Variants in ENOPH1 observed in about 807,000 individuals in gnomAD.
ENOPH1 encodes the protein enolase-phosphatase 1.
Under a neutral mutation model 31.1 loss-of-function variants are expected in ENOPH1, and 14 were observed. That is an observed-to-expected ratio of 0.45 (90% CI 0.30 to 0.70). The LOEUF is 0.70. ENOPH1 is among the 30% of genes least tolerant of loss of function. The pLI, the probability that ENOPH1 is intolerant of heterozygous loss-of-function variation, is 0.09. For missense variants in ENOPH1, 243 were observed against 321.5 expected, an observed-to-expected ratio of 0.76 and a Z score of 1.87; for synonymous variants, 127 against 123.2, an observed-to-expected ratio of 1.03 and a Z score of -0.21.
chr4:82,439,196 A>G (rs113116164), intron 1 of ENOPH1, among the ~76,000 whole-genome samples: 46 of 152,316 alleles, frequency 3.0e-4, no homozygotes, highest in African/African-American at 1.1e-3. Flanking sequence ...CCTTCTAGGT[A>G]TGTGCATGAG....
chr4:82,456,215 CTTT>C (rs5859824), intron 4 of ENOPH1, among the ~76,000 whole-genome samples: 41 of 138,944 alleles, frequency 3.0e-4, no homozygotes, highest in Non-Finnish European at 3.9e-4. Context: ...CTTAAAATTA[CTTT>C]TTTTTTTTTT....
intron 1 of ENOPH1, among the ~76,000 whole-genome samples, chr4:82,445,192 G>T (rs1410650735): frequency 6.6e-6 from 1 of 152,042 alleles, no homozygotes; most frequent in Non-Finnish European, 1.5e-5. Context: ...TGTCACCACT[G>T]CATTCCAGCC....
At chr4:82,431,030 C>T (rs568345543) in intron 1 of ENOPH1, 117 bp downstream of exon 1, 8 of 877,304 alleles carry the variant, frequency 9.1e-6, no homozygotes, top group Admixed American at 6.3e-5. Flanking sequence ...GTGGCTGCCT[C>T]TTGTGTGGAA....
At chr4:82,441,477 CCGGGTGTGGTGG>C (rs1722038099) in intron 1 of ENOPH1, among the ~76,000 whole-genome samples, 1 of 151,924 alleles carries the variant, frequency 6.6e-6, no homozygotes, top group South Asian at 2.1e-4. Context: ...AAAAAATTGG[CCGGGTGTGGTGG>C]CAGGCGTGGT....
chr4:82,447,875 C>A, intron 1 of ENOPH1, 45 bp from the exon 2 acceptor site: 1 of 1,206,136 alleles, frequency 8.3e-7, no homozygotes, highest in Non-Finnish European at 1.2e-6. Context: ...TCTTTTACAA[C>A]TGATAAAAGC....
intron 1 of ENOPH1, among the ~76,000 whole-genome samples, chr4:82,446,639 T>C (rs755710909): frequency 1.3e-5 from 2 of 151,216 alleles, no homozygotes; most frequent in African/African-American, 2.4e-5. Context: ...AGGTTATTTA[T>C]TACTGAATTG....
intron 1 of ENOPH1, among the ~76,000 whole-genome samples, chr4:82,441,737 C>T (rs1722047578): frequency 1.3e-5 from 2 of 152,120 alleles, no homozygotes; most frequent in African/African-American, 2.4e-5. Flanking sequence ...CCCAGGAGTT[C>T]ACGACCCGCC....
intron 1 of ENOPH1, among the ~76,000 whole-genome samples, chr4:82,442,730 C>A (rs1428999659): frequency 6.6e-6 from 1 of 152,018 alleles, no homozygotes; most frequent in African/African-American, 2.4e-5. Context: ...GTTAAATATC[C>A]CCCCGATAGG....
chr4:82,451,364 C>A (rs1310476265), intron 3 of ENOPH1, 119 bp downstream of exon 3: 3 of 962,464 alleles, frequency 3.1e-6, no homozygotes, highest in Non-Finnish European at 4.7e-6. Context: ...AATCCACACT[C>A]TTTTTAGTCT....
At chr4:82,449,239 CAA>C (rs199719669) in intron 2 of ENOPH1, among the ~76,000 whole-genome samples, 4 of 150,394 alleles carry the variant, frequency 2.7e-5, no homozygotes, top group Non-Finnish European at 5.9e-5. Context: ...GACTCCGTCT[CAA>C]AAAAAAAGAG....
At chr4:82,449,681 A>C (rs6850546) in intron 2 of ENOPH1, among the ~76,000 whole-genome samples, 19,149 of 152,138 alleles carry the variant, frequency 0.13, 2,227 homozygotes, top group African/African-American at 0.31. Flanking sequence ...ATTACATTTC[A>C]ATGTGCAATT....
chr4:82,458,032 G>A (rs147438465), intron 5 of ENOPH1, among the ~76,000 whole-genome samples: 75 of 151,946 alleles, frequency 4.9e-4, no homozygotes, highest in African/African-American at 1.8e-3. Context: ...TCTGTAAGGA[G>A]GTTTTATTCC....
chr4:82,439,374 G>C (rs1022922023), intron 1 of ENOPH1, among the ~76,000 whole-genome samples: 1 of 152,172 alleles, frequency 6.6e-6, no homozygotes, highest in African/African-American at 2.4e-5. Flanking sequence ...TTGAGACCTT[G>C]GTGGGACTTT....
chr4:82,456,858 C>T, intron 4 of ENOPH1, 57 bp from the exon 5 acceptor site: 1 of 1,590,970 alleles, frequency 6.3e-7, no homozygotes, highest in South Asian at 1.1e-5. Flanking sequence ...CAGAGAAAGG[C>T]ATGAGGGGCA....
Position 82,452,604 on chromosome 4 carries a change from T to A in ENOPH1, c.389+1359T>A, listed in dbSNP as rs575587870. 6.6e-5 allele frequency among the ~76,000 whole-genome samples: 10 copies of A among 152,134 alleles called. No individual in the cohort carries two copies. In the East Asian group the frequency reaches 7.7e-4, roughly 12 times the overall value. On this transcript the variant is annotated intron_variant, in intron 3 of 5. Transcript: ENST00000273920. ...CACCCCTCCCGGCCTATTTTTGTTT[T>A]TGGAGATAGTCTCACTCTGTTGTCC...
intron 1 of ENOPH1, among the ~76,000 whole-genome samples, chr4:82,432,705 G>T (rs904182108): frequency 6.6e-6 from 1 of 150,720 alleles, no homozygotes; most frequent in South Asian, 2.1e-4. Flanking sequence ...TCCCAGGCTG[G>T]AATACAGTGG....
chr4:82,447,078 C>G (rs1482269255), intron 1 of ENOPH1, among the ~76,000 whole-genome samples: 2 of 151,794 alleles, frequency 1.3e-5, no homozygotes, highest in Non-Finnish European at 2.9e-5. Flanking sequence ...CTCTGCCTCC[C>G]AGGTTCAAGC....
chr4:82,442,353 C>G (rs2110040045), intron 1 of ENOPH1, among the ~76,000 whole-genome samples: 1 of 152,246 alleles, frequency 6.6e-6, no homozygotes, highest in East Asian at 1.9e-4. Context: ...AACCCCATCT[C>G]TACTAAAAAT....
intron 1 of ENOPH1, among the ~76,000 whole-genome samples, chr4:82,444,150 C>A (rs965355925): frequency 6.6e-6 from 1 of 152,240 alleles, no homozygotes; most frequent in Non-Finnish European, 1.5e-5. Context: ...GCTGGGATTA[C>A]AGGCGTGGGC....
Sources: allele counts gnomAD v4.1 joint callset (sites outside exome capture counted in the v4.1 genomes callset), GRCh38; gene constraint gnomAD v4.1.1; transcripts MANE v1.5; gene names NCBI Gene and HGNC (gene_info 2026-07-23, HGNC 2026-07-21).